Variants in MYCBP2 observed in about 807,000 individuals in gnomAD.
MYCBP2 encodes the protein MYC binding protein 2, also known as E3 ubiquitin-protein ligase MYCBP2.
MYCBP2 carries 120 observed loss-of-function variants against 525.3 expected under a neutral mutation model. That is an observed-to-expected ratio of 0.23 (90% CI 0.20 to 0.27). The LOEUF (loss-of-function observed/expected upper bound fraction) is 0.27, where lower values mean the gene tolerates loss of function less well. Ranked by LOEUF, MYCBP2 falls within the 10% of genes least tolerant of loss-of-function variation. The probability of loss-of-function intolerance (pLI) is 1.00; values close to 1 mark genes in which losing one functional copy is unlikely to be tolerated. For missense variants in MYCBP2, 4,149 were observed against 5,657.1 expected, an observed-to-expected ratio of 0.73 and a Z score of 8.55; for synonymous variants, 1,894 against 1,955.8, an observed-to-expected ratio of 0.97 and a Z score of 0.83.
chr13:77,262,015 A>C (rs2073375225), intron 11 of MYCBP2, 38 bp downstream of exon 11: 1 of 1,516,728 alleles, frequency 6.6e-7, no homozygotes, highest in Admixed American at 1.7e-5. Flanking sequence ...CTCTTAAATC[A>C]GAGAATGCTC....
chr13:77,157,223 G>A (rs1181603424), intron 45 of MYCBP2, among the ~76,000 whole-genome samples: 1 of 152,076 alleles, frequency 6.6e-6, no homozygotes, highest in Non-Finnish European at 1.5e-5. Flanking sequence ...GACTACAGGT[G>A]TGTGCCACCA....
At chr13:77,226,190 A>G (rs909490446) in intron 18 of MYCBP2, among the ~76,000 whole-genome samples, 3 of 152,070 alleles carry the variant, frequency 2.0e-5, no homozygotes, top group South Asian at 2.1e-4. Flanking sequence ...CCTGTCCCCA[A>G]TCACTACCCT....
chr13:77,144,358 A>G (rs2055178863), intron 49 of MYCBP2, 87 bp downstream of exon 49: 1 of 898,126 alleles, frequency 1.1e-6, no homozygotes, highest in Non-Finnish European at 1.8e-6. Flanking sequence ...TGTCTAGTGC[A>G]AGTTAATGGG....
At chr13:77,271,534 G>A (rs2074895641) in intron 5 of MYCBP2, among the ~76,000 whole-genome samples, 1 of 152,142 alleles carries the variant, frequency 6.6e-6, no homozygotes, top group South Asian at 2.1e-4. Flanking sequence ...GAATTCCCAC[G>A]TGTTGTGGAA....
In MYCBP2 at chr13:77,058,857, C is replaced by T. The variant is rs978594768; in HGVS notation, c.13141-451G>A. The stretch of plus-strand genomic sequence containing the variant: ...AAAATTAACCAGGCATGGTGGCGCG[C>T]GCCTGTAATCCCAGCTACTTAGGAA... On this transcript the variant is annotated intron_variant, in intron 77 of 82. Coordinates refer to ENST00000544440, the MANE Select transcript of MYCBP2 (RefSeq NM_015057.5). The surrounding 1 kb of genome is among the most constrained non-coding windows in gnomAD (Gnocchi z 4.1). 2.1e-4 allele frequency among the ~76,000 whole-genome samples: 32 copies of T among 151,980 alleles called. No homozygotes were observed. Among genetic ancestry groups the T allele is most frequent in the African/African-American group, 3.9e-4 (16 of 41,362 alleles).
In MYCBP2 at chr13:77,191,818, G is replaced by GA. The variant is rs755956932; in HGVS notation, c.3936-6dup. ...AACATCATTGCATATTTTTCTCTGA[G>GA]AAAAAATTAGTGAGTCAAAAACAAT... On this transcript the variant is annotated splice_polypyrimidine_tract_variant and splice_region_variant and intron_variant, in intron 27 of 82. Coordinates refer to ENST00000544440, the MANE Select transcript of MYCBP2 (RefSeq NM_015057.5). 9.9e-6 allele frequency: 16 copies of GA among 1,611,970 alleles called. No homozygotes were observed. Among genetic ancestry groups the GA allele is most frequent in the South Asian group, 4.4e-5 (4 of 90,630 alleles).
At position 77,273,571 on chromosome 13, in the gene MYCBP2, G is replaced by C. The variant is rs967403473; in HGVS notation, c.846C>G (p.Leu282=). ...QSLTALSCAC[L]FSLVASWGET... ...CTCCCCAAGAAGCCACCAGACTAAA[G>C]AGGCAAGCACAGGAAAGTGCTGTTA... Residue 282 remains leucine (L), a synonymous_variant, in exon 5 of 83, where the codon CTC becomes CTG. Transcript: ENST00000544440. 2 of 1,613,726 alleles carry C rather than the reference G, an allele frequency of 1.2e-6. No individual in the cohort carries two copies. Among genetic ancestry groups the C allele is most frequent in the African/African-American group, 2.7e-5 (2 of 74,904 alleles).
chr13:77,237,536 A>G (rs750402639), intron 17 of MYCBP2, among the ~76,000 whole-genome samples: 1 of 152,202 alleles, frequency 6.6e-6, no homozygotes, highest in African/African-American at 2.4e-5. Context: ...AGAAATAAGT[A>G]AAACTTGATT....
intron 38 of MYCBP2, 36 bp from the exon 39 acceptor site, chr13:77,169,750 C>A: frequency 6.5e-7 from 1 of 1,531,848 alleles, no homozygotes; most frequent in South Asian, 1.1e-5. Flanking sequence ...AAACTATAGT[C>A]AGAAGGTAAT....
At chr13:77,233,325 C>A (rs1223310258) in intron 17 of MYCBP2, 62 bp from the exon 18 acceptor site, 1 of 1,224,678 alleles carries the variant, frequency 8.2e-7, no homozygotes, top group South Asian at 1.3e-5. Context: ...CTATAATGAA[C>A]AAAAAATAAT....
At chr13:77,139,415 G>A in intron 51 of MYCBP2, 79 bp from the exon 52 acceptor site, 1 of 1,465,724 alleles carries the variant, frequency 6.8e-7, no homozygotes. Context: ...AGTCTGCAAA[G>A]CAGAAAAATG....
At chr13:77,049,696 C>T (rs1175040915) in intron 82 of MYCBP2, among the ~76,000 whole-genome samples, 11 of 151,908 alleles carry the variant, frequency 7.2e-5, no homozygotes, top group African/African-American at 2.2e-4. Context: ...AGTGCAGTGG[C>T]GCAATCTTGG....
intron 43 of MYCBP2, among the ~76,000 whole-genome samples, chr13:77,164,028 C>T (rs1010683558): frequency 2.6e-5 from 4 of 152,200 alleles, no homozygotes; most frequent in African/African-American, 7.2e-5. Flanking sequence ...ATCTTTCATA[C>T]AGTCCCATGT....
chr13:77,116,696 GTAAA>G (rs1187376447), intron 55 of MYCBP2, among the ~76,000 whole-genome samples: 2 of 151,936 alleles, frequency 1.3e-5, no homozygotes, highest in Non-Finnish European at 2.9e-5. Context: ...CAAGATAGTG[GTAAA>G]TAAAGTGGTG....
intron 68 of MYCBP2, chr13:77,075,584 G>A (rs2042143754): frequency 6.6e-6 from 1 of 152,088 alleles, no homozygotes; most frequent in African/African-American, 2.4e-5. Context: ...ATGATCTCAA[G>A]GTACTCTGAA....
At chr13:77,113,346 T>C (rs1023730380) in intron 55 of MYCBP2, among the ~76,000 whole-genome samples, 1 of 152,272 alleles carries the variant, frequency 6.6e-6, no homozygotes, top group Non-Finnish European at 1.5e-5. Flanking sequence ...ATGCCATTAT[T>C]TTTTCTTTAA....
At chr13:77,294,047 A>C (rs2077766551) in intron 2 of MYCBP2, among the ~76,000 whole-genome samples, 2 of 144,568 alleles carry the variant, frequency 1.4e-5, no homozygotes. Flanking sequence ...AAAGGAGATG[A>C]CTGATGGATG....
chr13:77,057,029 C>G lies in MYCBP2; in HGVS notation c.13394G>C (p.Gly4465Ala). Reference protein sequence around the residue: ...CRRVLENRWLGPRITFGFISC... With the variant: ...CRRVLENRWLAPRITFGFISC... ...TATAAATCCAAATGTTATCCTTGGG[C>G]CAAGCCATCGATTTTCTAATACTCG... The change falls in exon 79 of 83, where the codon GGC becomes GCC. Residue 4465 changes from glycine to alanine, a missense_variant. Coordinates refer to ENST00000544440, the MANE Select transcript of MYCBP2 (RefSeq NM_015057.5). 6.2e-7 allele frequency: 1 copy of G among 1,613,808 alleles called. No homozygotes were observed. Among genetic ancestry groups the G allele is most frequent in the Non-Finnish European group, 8.5e-7 (1 of 1,179,862 alleles).
chr13:77,156,587 C>T (rs1192041340), intron 45 of MYCBP2, among the ~76,000 whole-genome samples: 1 of 152,196 alleles, frequency 6.6e-6, no homozygotes, highest in Non-Finnish European at 1.5e-5. Context: ...ATCCTGCAAG[C>T]CTGGAAAAAG....
Sources: allele counts gnomAD v4.1 joint callset (sites outside exome capture counted in the v4.1 genomes callset), GRCh38; gene constraint gnomAD v4.1.1; non-coding constraint Gnocchi (gnomAD v3.1); transcripts MANE v1.5; gene names NCBI Gene and HGNC (gene_info 2026-07-23, HGNC 2026-07-21).